EDIL3: variants seen among roughly 807,000 people sequenced by gnomAD.
The protein encoded by EDIL3 is EGF-like repeat and discoidin I-like domain-containing protein 3.
In EDIL3, 37 loss-of-function variants were observed where a neutral mutation model predicts 67.4. That is an observed-to-expected ratio of 0.55 (90% confidence interval 0.42 to 0.72). The LOEUF (loss-of-function observed/expected upper bound fraction) is 0.72, where lower values mean the gene tolerates loss of function less well. EDIL3 is among the 30% of genes least tolerant of loss of function. The pLI, the probability that EDIL3 is intolerant of heterozygous loss-of-function variation, is 0.00. For missense variants in EDIL3, 527 were observed against 586.3 expected, an observed-to-expected ratio of 0.90 and a Z score of 1.04; for synonymous variants, 195 against 196.3, an observed-to-expected ratio of 0.99 and a Z score of 0.05.
chr5:84,186,791 T>C (rs1743464659), intron 3 of EDIL3, among the ~76,000 whole-genome samples: 1 of 151,954 alleles, frequency 6.6e-6, no homozygotes, highest in African/African-American at 2.4e-5. Context: ...TAATAGCAGA[T>C]CAAAGTTTGA....
At chr5:84,120,335 T>G (rs1309032181) in intron 5 of EDIL3, among the ~76,000 whole-genome samples, 1 of 152,032 alleles carries the variant, frequency 6.6e-6, no homozygotes, top group Admixed American at 6.6e-5. Flanking sequence ...TCTTAATATA[T>G]TTGCATCTTC....
At chr5:84,226,853 G>T (rs1462588802) in intron 3 of EDIL3, among the ~76,000 whole-genome samples, 3 of 151,934 alleles carry the variant, frequency 2.0e-5, no homozygotes. Flanking sequence ...TCTGGAGGAA[G>T]ATGAGTATTT....
At chr5:84,375,839 C>A (rs1747955504) in intron 1 of EDIL3, among the ~76,000 whole-genome samples, 1 of 152,186 alleles carries the variant, frequency 6.6e-6, no homozygotes, top group Non-Finnish European at 1.5e-5. Flanking sequence ...AATGAGCATA[C>A]TCTTTTATTT....
intron 3 of EDIL3, among the ~76,000 whole-genome samples, chr5:84,208,799 T>C (rs1014630881): frequency 1.3e-5 from 2 of 151,060 alleles, no homozygotes; most frequent in African/African-American, 4.9e-5. Context: ...AGTTCAACCA[T>C]TGTGGAAGTC....
intron 3 of EDIL3, among the ~76,000 whole-genome samples, chr5:84,185,676 C>G (rs1038291308): frequency 2.0e-5 from 3 of 152,046 alleles, no homozygotes; most frequent in Non-Finnish European, 4.4e-5. Flanking sequence ...TTTTCTGGAA[C>G]CTTTCTACAC....
At chr5:83,962,382 G>C (rs1744619343) in intron 10 of EDIL3, among the ~76,000 whole-genome samples, 1 of 151,388 alleles carries the variant, frequency 6.6e-6, no homozygotes, top group African/African-American at 2.4e-5. Flanking sequence ...GAATTAACTT[G>C]ATTTCACTAA....
intron 3 of EDIL3, among the ~76,000 whole-genome samples, chr5:84,197,271 A>T (rs1743729777): frequency 6.6e-6 from 1 of 152,020 alleles, no homozygotes; most frequent in Non-Finnish European, 1.5e-5. Context: ...TTCTGGGAGG[A>T]CATAAGAGGA....
intron 1 of EDIL3, among the ~76,000 whole-genome samples, chr5:84,277,563 A>G (rs1178717562): frequency 1.3e-5 from 2 of 152,190 alleles, no homozygotes. Flanking sequence ...TAAGATCAGT[A>G]TTTGAAATAT....
chr5:84,121,107 G>T (rs1428725167), intron 5 of EDIL3, among the ~76,000 whole-genome samples: 2 of 151,884 alleles, frequency 1.3e-5, no homozygotes, highest in African/African-American at 2.4e-5. Flanking sequence ...TATTAAGGAG[G>T]TGGATATTCT....
intron 5 of EDIL3, among the ~76,000 whole-genome samples, chr5:84,110,734 A>C (rs1747547841): frequency 6.6e-6 from 1 of 152,198 alleles, no homozygotes; most frequent in Non-Finnish European, 1.5e-5. Flanking sequence ...TAATTCTTCA[A>C]AATTTGACTC....
Position 84,133,507 on chromosome 5 carries a change from G to A in EDIL3, c.469+3734C>T, listed in dbSNP as rs191846047. ...AAAAAATAGCCAGGAGTGGTGGTGC[G>A]TGCCTGTAGTGCCAGCTGCTAGGGA... is the stretch of plus-strand genomic sequence containing the variant. On this transcript the variant is annotated intron_variant, in intron 5 of 10. Transcript: ENST00000296591. Among the ~76,000 whole-genome samples, 555 of 150,258 alleles carry A rather than the reference G, an allele frequency of 3.7e-3. 12 individuals carry two copies. The highest frequency in any genetic ancestry group is 0.032 in the Admixed American group (473 of 15,000).
chr5:84,026,231 G>A (rs1485797881), intron 9 of EDIL3, among the ~76,000 whole-genome samples: 2 of 152,070 alleles, frequency 1.3e-5, no homozygotes, highest in Non-Finnish European at 2.9e-5. Context: ...CACCACTGTT[G>A]GAGAATATAA....
Position 84,170,854 on chromosome 5 carries a change from G to C in EDIL3, c.355+9539C>G, listed in dbSNP as rs1013314781. On this transcript the variant is annotated intron_variant, in intron 4 of 10. Transcript: ENST00000296591. ...TTGTTGCCCGGGCTGGAGTGCAGGG[G>C]TGTGATCTCGGCTCACTGCAACCTC... Among the ~76,000 whole-genome samples, 3 of 152,122 alleles carry C rather than the reference G, an allele frequency of 2.0e-5. No homozygotes were observed. In the South Asian group the frequency reaches 6.2e-4, roughly 32 times the overall value.
intron 1 of EDIL3, among the ~76,000 whole-genome samples, chr5:84,271,690 T>C (rs1001932337): frequency 6.6e-6 from 1 of 152,172 alleles, no homozygotes; most frequent in Non-Finnish European, 1.5e-5. Context: ...AATGAAATTA[T>C]GTTTCATGCT....
At chr5:84,329,122 G>T (rs1262382402) in intron 1 of EDIL3, among the ~76,000 whole-genome samples, 1 of 151,922 alleles carries the variant, frequency 6.6e-6, no homozygotes, top group African/African-American at 2.4e-5. Flanking sequence ...ACAAAAAATT[G>T]TTATTTTTTT....
chr5:84,174,692 C>T (rs190142799), intron 4 of EDIL3, among the ~76,000 whole-genome samples: 1 of 152,160 alleles, frequency 6.6e-6, no homozygotes. Context: ...ACTGTGGCCT[C>T]TCTCTAGAAC....
rs1027844786 is a variant in EDIL3 at position 83,942,729 on chromosome 5, C to T, written c.*690G>A. Reference sequence around the variant, plus strand: ...TCTACATATATGAGTAAACATGACACTTCTTTTAGTCAACTAATAGGAAAT... The same window carrying T: ...TCTACATATATGAGTAAACATGACATTTCTTTTAGTCAACTAATAGGAAAT... On this transcript the variant is annotated 3_prime_UTR_variant, in exon 11 of 11. Coordinates refer to ENST00000296591, the MANE Select transcript of EDIL3 (RefSeq NM_005711.5). 5.3e-5 allele frequency: 8 copies of T among 151,750 alleles called. No homozygotes were observed. The highest frequency in any genetic ancestry group is 1.2e-4 in the Non-Finnish European group (8 of 67,898). 9.4% of individuals were successfully genotyped at this position (151,750 alleles called of 1,614,324 possible).
At chr5:84,272,778 T>C (rs574931369) in intron 1 of EDIL3, among the ~76,000 whole-genome samples, 1 of 152,238 alleles carries the variant, frequency 6.6e-6, no homozygotes, top group Non-Finnish European at 1.5e-5. Flanking sequence ...AATTGTTATC[T>C]GAACACATTT....
intron 9 of EDIL3, among the ~76,000 whole-genome samples, chr5:84,011,367 G>C (rs982222405): frequency 4.6e-5 from 7 of 152,112 alleles, no homozygotes; most frequent in African/African-American, 1.7e-4. Context: ...TATACTGACT[G>C]TGCATTTCTT....
Sources: allele counts gnomAD v4.1 joint callset (sites outside exome capture counted in the v4.1 genomes callset), GRCh38; gene constraint gnomAD v4.1.1; transcripts MANE v1.5; gene names NCBI Gene and HGNC (gene_info 2026-07-23, HGNC 2026-07-21).